NBAS: variants seen among roughly 807,000 people sequenced by gnomAD.
NBAS encodes NAG/BC035112 fusion.
In NBAS, 219 loss-of-function variants were observed where a neutral mutation model predicts 302.5. The ratio of observed to expected loss-of-function variants is 0.72; its 90% CI spans 0.65 to 0.81. NBAS has a LOEUF of 0.81. Among genes scored for constraint, NBAS ranks in the 30% least tolerant of loss-of-function variants. The pLI, the probability that NBAS is intolerant of heterozygous loss-of-function variation, is 0.00. For synonymous variants in NBAS, 1,118 were observed against 1,021.6 expected (o/e 1.09, Z -1.80); for missense variants, 2,932 against 2,841.6 (o/e 1.03, Z -0.72).
chr2:15,440,787 T>C (rs1435010757), intron 21 of NBAS, among the ~76,000 whole-genome samples: 1 of 151,950 alleles, frequency 6.6e-6, no homozygotes, highest in Non-Finnish European at 1.5e-5. Flanking sequence ...ATAACTAGAA[T>C]AACCAATACA....
the NBAS span, among the ~76,000 whole-genome samples, chr2:14,913,530 G>A: frequency 6.6e-6 from 1 of 152,168 alleles, no homozygotes; most frequent in African/African-American, 2.4e-5. Context: ...GCCCAGACAA[G>A]GCAAAGCTCT....
the NBAS span, among the ~76,000 whole-genome samples, chr2:14,943,311 G>A: frequency 2.0e-5 from 3 of 152,144 alleles, no homozygotes; most frequent in African/African-American, 4.8e-5. Flanking sequence ...AACTAAAAGA[G>A]CCACTAATAA....
At chr2:15,267,679 C>T (rs1387351493) in intron 44 of NBAS, among the ~76,000 whole-genome samples, 1 of 151,868 alleles carries the variant, frequency 6.6e-6, no homozygotes, top group Non-Finnish European at 1.5e-5. Context: ...AATGTATATA[C>T]CAAAAATTAT....
At chr2:15,467,289 T>A in intron 19 of NBAS, 40 bp downstream of exon 19, 3 of 1,371,478 alleles carry the variant, frequency 2.2e-6, no homozygotes, top group Non-Finnish European at 3.1e-6. Context: ...TAATGACAGA[T>A]CAAATGAACA....
Position 15,309,183 on chromosome 2 carries a change from A to G in NBAS, c.4647T>C (p.Leu1549=), listed in dbSNP as rs760964519. 41 of 1,612,842 alleles carry G rather than the reference A, an allele frequency of 2.5e-5. 1 individual carries two copies. In the South Asian group the frequency reaches 4.5e-4, roughly 18 times the overall value. ...AGGGCAAACTTACTTGTGGTAAGGC[A>G]AGAAGGTAAGCAAGAGCCAAGGTCA... ...NDMTLALAYL[L]ALPQVLDANR... The change falls in exon 39 of 52, where the codon CTT becomes CTC. Residue 1549 remains leucine, a synonymous_variant. Coordinates refer to ENST00000281513, the MANE Select transcript of NBAS (RefSeq NM_015909.4).
the NBAS span, among the ~76,000 whole-genome samples, chr2:14,900,909 T>A: frequency 6.6e-6 from 1 of 152,222 alleles, no homozygotes; most frequent in Non-Finnish European, 1.5e-5. Context: ...ACTAACCATC[T>A]GCAAAGGCTT....
chr2:15,169,992 G>A (rs1664218246), intron 51 of NBAS, among the ~76,000 whole-genome samples: 1 of 152,228 alleles, frequency 6.6e-6, no homozygotes, highest in African/African-American at 2.4e-5. Context: ...ACAGGCACAT[G>A]TTTGATAAGA....
chr2:15,500,781 G>T (rs1410815074), intron 11 of NBAS, among the ~76,000 whole-genome samples: 2 of 151,476 alleles, frequency 1.3e-5, no homozygotes, highest in Non-Finnish European at 2.9e-5. Flanking sequence ...AAAATCAGCC[G>T]GGCGTGGGGG....
chr2:15,110,808 C>T, the NBAS span, among the ~76,000 whole-genome samples: 3 of 152,132 alleles, frequency 2.0e-5, no homozygotes, highest in Non-Finnish European at 2.9e-5. Context: ...AAGCCCCATT[C>T]CACTTTTAAG....
chr2:15,077,745 A>C, the NBAS span, among the ~76,000 whole-genome samples: 2 of 149,268 alleles, frequency 1.3e-5, no homozygotes, highest in Admixed American at 1.4e-4. Flanking sequence ...GTGCAGTGGC[A>C]CAATCTCAGC....
At chr2:15,255,330 T>C (rs898761987) in intron 44 of NBAS, among the ~76,000 whole-genome samples, 2 of 152,230 alleles carry the variant, frequency 1.3e-5, no homozygotes, top group South Asian at 2.1e-4. Context: ...ATGTTGAACA[T>C]TTTTTCTTGT....
At chr2:15,307,048 C>T (rs1352969021) in intron 40 of NBAS, among the ~76,000 whole-genome samples, 2 of 152,196 alleles carry the variant, frequency 1.3e-5, no homozygotes, top group African/African-American at 2.4e-5. Context: ...TTCTGCCTCC[C>T]CTCCCGGGGG....
the NBAS span, among the ~76,000 whole-genome samples, chr2:15,124,974 G>A: frequency 5.9e-5 from 9 of 152,282 alleles, no homozygotes; most frequent in South Asian, 2.1e-4. Context: ...AGTCCCCACC[G>A]GAGCACTGCC....
the NBAS span, among the ~76,000 whole-genome samples, chr2:14,906,751 T>C: frequency 6.6e-6 from 1 of 152,204 alleles, no homozygotes; most frequent in Non-Finnish European, 1.5e-5. Flanking sequence ...ATTTTTCTGA[T>C]GTTGCGATTC....
chr2:15,034,105 GAGAAGA>G, the NBAS span, among the ~76,000 whole-genome samples: 1 of 146,288 alleles, frequency 6.8e-6, no homozygotes, highest in Admixed American at 6.8e-5. Flanking sequence ...GGAGGAGAAG[GAGAAGA>G]AGGAGAAGGA....
rs770949958 is a variant in NBAS, at chr2:15,186,997, G to A, written c.6573-117C>T. 267 of 1,423,156 alleles carry A rather than the reference G, an allele frequency of 1.9e-4. 1 individual carries two copies. The highest frequency in any genetic ancestry group is 2.5e-4 in the Non-Finnish European group (255 of 1,019,488). 88.2% of individuals were successfully genotyped at this position (1,423,156 alleles called of 1,614,324 possible). A position where few individuals can be genotyped will look rare whatever the true frequency, so the allele number is the denominator to read the frequency against. ...AAATTACAATCAGAATCTAGGTGAC[G>A]TGCTGCTTCAAGTCAACCTTGTAGA... is the stretch of plus-strand genomic sequence containing the variant. On this transcript the variant is annotated intron_variant, in intron 49 of 51. Coordinates refer to ENST00000281513, the MANE Select transcript of NBAS (RefSeq NM_015909.4).
chr2:14,855,129 C>T, the NBAS span, among the ~76,000 whole-genome samples: 1 of 152,066 alleles, frequency 6.6e-6, no homozygotes, highest in Admixed American at 6.5e-5. Context: ...GCCCCCATTC[C>T]AGGCCTAGCT....
At chr2:14,931,448 T>C in the NBAS span, among the ~76,000 whole-genome samples, 1 of 152,160 alleles carries the variant, frequency 6.6e-6, no homozygotes, top group Non-Finnish European at 1.5e-5. Context: ...AAAGGACAGA[T>C]ATACCGATAC....
At chr2:15,533,485 C>T (rs77407035) in intron 9 of NBAS, among the ~76,000 whole-genome samples, 4,109 of 152,228 alleles carry the variant, frequency 0.027, 202 homozygotes, top group African/African-American at 0.094. Context: ...AAAAGGAAGT[C>T]ACGAAGTGAG....
Sources: allele counts gnomAD v4.1 joint callset (sites outside exome capture counted in the v4.1 genomes callset), GRCh38; gene constraint gnomAD v4.1.1; transcripts MANE v1.5; gene names NCBI Gene and HGNC (gene_info 2026-07-23, HGNC 2026-07-21).